ULK4: variants seen among roughly 807,000 people sequenced by gnomAD.
ULK4 encodes inactive serine/threonine-protein kinase ULK4.
ULK4 carries 133 observed loss-of-function variants against 160.6 expected under a neutral mutation model. The ratio of observed to expected loss-of-function variants is 0.83; its 90% CI spans 0.72 to 0.96. The LOEUF (loss-of-function observed/expected upper bound fraction) is 0.96. Ranked by LOEUF, ULK4 falls within the 40% of genes least tolerant of loss-of-function variation. The pLI is 0.00. For missense variants in ULK4, 1,580 were observed against 1,499.5 expected, an observed-to-expected ratio of 1.05 and a Z score of -0.89; for synonymous variants, 534 against 539.8, an observed-to-expected ratio of 0.99 and a Z score of 0.15.
At chr3:41,298,291 TG>T (rs1374255162) in intron 35 of ULK4, among the ~76,000 whole-genome samples, 2 of 152,198 alleles carry the variant, frequency 1.3e-5, no homozygotes, top group African/African-American at 4.8e-5. Flanking sequence ...GAGATAACAT[TG>T]GGATTCAAAA....
intron 22 of ULK4, among the ~76,000 whole-genome samples, chr3:41,721,114 T>C (rs1299817308): frequency 1.3e-5 from 2 of 151,468 alleles, no homozygotes; most frequent in Non-Finnish European, 2.9e-5. Flanking sequence ...CTTTCGCTTA[T>C]AAAGGGAGGG....
intron 33 of ULK4, among the ~76,000 whole-genome samples, chr3:41,459,177 G>A (rs1385161857): frequency 6.6e-6 from 1 of 151,856 alleles, no homozygotes; most frequent in African/African-American, 2.4e-5. Flanking sequence ...TCAGCCTCCC[G>A]AGTAGCTAGG....
intron 31 of ULK4, among the ~76,000 whole-genome samples, chr3:41,571,088 T>C (rs2087955873): frequency 6.6e-6 from 1 of 152,260 alleles, no homozygotes; most frequent in South Asian, 2.1e-4. Flanking sequence ...ATTGTCTTTG[T>C]TGGTTTATAA....
intron 32 of ULK4, among the ~76,000 whole-genome samples, chr3:41,563,895 T>C (rs1407037114): frequency 1.3e-5 from 2 of 152,224 alleles, no homozygotes; most frequent in Admixed American, 1.3e-4. Context: ...TCCAGCTTTG[T>C]TCCGTTGCTG....
At chr3:41,676,266 T>C (rs2035711607) in intron 29 of ULK4, among the ~76,000 whole-genome samples, 1 of 152,228 alleles carries the variant, frequency 6.6e-6, no homozygotes, top group Non-Finnish European at 1.5e-5. Flanking sequence ...AAAGTTTTGA[T>C]GGTAAGTATC....
At position 41,935,209 on chromosome 3, in the gene ULK4, ATTTTTTTTTTTTTTTTTTTT is replaced by A. The variant is rs10524611; in HGVS notation, c.378+572_378+591del. Reference sequence around the variant, plus strand: ...TTTTTGTGTTTTTATTTATTTATTTATTTTTTTTTTTTTTTTTTTTTTTTTTTTTTTTTTTTGAGACGGAG... The same window carrying A: ...TTTTTGTGTTTTTATTTATTTATTTATTTTTTTTTTTTTTTTGAGACGGAG... On this transcript the variant is annotated intron_variant, in intron 4 of 36. Coordinates refer to ENST00000301831, the MANE Select transcript of ULK4 (RefSeq NM_017886.4). Among the ~76,000 whole-genome samples, 4 of 135,608 alleles carry A rather than the reference ATTTTTTTTTTTTTTTTTTTT, an allele frequency of 2.9e-5. No homozygotes were observed. The East Asian group carries it at 6.4e-4, about 22-fold the overall frequency. The allele number at this position is 135,608 out of a possible 152,430, so 89.0% of individuals were successfully genotyped here.
intron 18 of ULK4, among the ~76,000 whole-genome samples, chr3:41,833,273 TG>T (rs2041650312): frequency 1.4e-5 from 2 of 139,978 alleles, no homozygotes; most frequent in Admixed American, 6.9e-5. Flanking sequence ...ATTCTTAAGT[TG>T]TTTTTTTTTT....
At chr3:41,629,351 G>C (rs2033657033) in intron 30 of ULK4, among the ~76,000 whole-genome samples, 1 of 152,270 alleles carries the variant, frequency 6.6e-6, no homozygotes, top group Middle Eastern at 3.4e-3. Context: ...CTGTTGACTG[G>C]AGCATCTATC....
Position 41,715,293 on chromosome 3 carries a change from C to A in ULK4, c.2578G>T (p.Val860Leu). 1 of 1,613,774 alleles carries A rather than the reference C, an allele frequency of 6.2e-7. No individual in the cohort carries two copies. Among genetic ancestry groups the A allele is most frequent in the Non-Finnish European group, 8.5e-7 (1 of 1,179,960 alleles). Residue 860 changes from valine (V) to leucine (L), a missense_variant and splice_region_variant, in exon 25 of 37, where the codon GTA becomes TTA. By Grantham distance (32) the Val-to-Leu change is conservative. Coordinates refer to ENST00000301831, the MANE Select transcript of ULK4 (RefSeq NM_017886.4). ...PVVLHLVTSQ[V>L]FRPQVVTEEF... ...TCTGTCACAACTTGAGGTCGAAATA[C>A]CTGTGTGATGAGAGTTTCTACAGAT...
At chr3:41,508,020 G>A (rs2085452542) in intron 32 of ULK4, among the ~76,000 whole-genome samples, 2 of 152,330 alleles carry the variant, frequency 1.3e-5, no homozygotes, top group East Asian at 3.9e-4. Context: ...TCTCAGCAGG[G>A]AGGCTGGTGG....
intron 31 of ULK4, among the ~76,000 whole-genome samples, chr3:41,576,930 CGAAA>C (rs1471394877): frequency 1.3e-5 from 2 of 151,936 alleles, no homozygotes; most frequent in South Asian, 2.1e-4. Context: ...GTGTCCCACA[CGAAA>C]GAAAGAAAAT....
chr3:41,582,737 A>C (rs1246342448), intron 31 of ULK4, among the ~76,000 whole-genome samples: 2 of 152,234 alleles, frequency 1.3e-5, no homozygotes, highest in African/African-American at 4.8e-5. Flanking sequence ...TATTTTCTGG[A>C]AGTTTTTAAA....
chr3:41,457,556 C>A (rs1253085155), intron 33 of ULK4, among the ~76,000 whole-genome samples: 1 of 152,184 alleles, frequency 6.6e-6, no homozygotes, highest in East Asian at 1.9e-4. Context: ...CTCTGTGCAA[C>A]AAAAGGACAC....
At chr3:41,399,101 A>G (rs2082125576) in intron 34 of ULK4, among the ~76,000 whole-genome samples, 1 of 152,172 alleles carries the variant, frequency 6.6e-6, no homozygotes, top group South Asian at 2.1e-4. Flanking sequence ...GAACTGCCAG[A>G]CTGTTTTCCA....
At chr3:41,918,409 A>C (rs1382364745) in intron 7 of ULK4, 48 bp downstream of exon 7, 14 of 1,317,028 alleles carry the variant, frequency 1.1e-5, no homozygotes, top group East Asian at 2.4e-5. Flanking sequence ...GTACACCTTT[A>C]ATCAGTGTAA....
intron 28 of ULK4, 41 bp downstream of exon 28, chr3:41,681,712 T>G: frequency 6.2e-7 from 1 of 1,613,876 alleles, no homozygotes; most frequent in Non-Finnish European, 8.5e-7. Flanking sequence ...GAAAATAGAA[T>G]GTGTAACTGA....
intron 31 of ULK4, among the ~76,000 whole-genome samples, chr3:41,591,173 A>G (rs2031275175): frequency 6.6e-6 from 1 of 152,224 alleles, no homozygotes. Flanking sequence ...GCAAGCCAGA[A>G]GACAATGAAA....
intron 30 of ULK4, among the ~76,000 whole-genome samples, chr3:41,636,037 T>C (rs1041370798): frequency 3.9e-5 from 6 of 152,158 alleles, no homozygotes; most frequent in African/African-American, 1.4e-4. Context: ...ATAAACCTAG[T>C]GGGGTTTAGA....
At chr3:41,561,032 C>T (rs918816150) in intron 32 of ULK4, among the ~76,000 whole-genome samples, 7 of 152,138 alleles carry the variant, frequency 4.6e-5, no homozygotes, top group South Asian at 2.1e-4. Context: ...TTTTGAGATA[C>T]GTTCCTTCAA....
Sources: gnomAD v4.1 joint callset for allele counts (sites outside exome capture counted in the v4.1 genomes callset) on GRCh38, gnomAD v4.1.1 for gene constraint, MANE v1.5 for transcripts, NCBI Gene and HGNC (gene_info 2026-07-23, HGNC 2026-07-21) for gene names.